The following DLGAP1 variants were observed in gnomAD, a reference collection of about 807,000 sequenced individuals.
DLGAP1 encodes disks large-associated protein 1.
DLGAP1 carries 11 observed loss-of-function variants against 90.8 expected under a neutral mutation model. That is an observed-to-expected ratio of 0.12 (90% CI 0.08 to 0.20). The LOEUF (loss-of-function observed/expected upper bound fraction) is 0.20. Ranked by LOEUF, DLGAP1 falls within the 10% of genes least tolerant of loss-of-function variation. The pLI is 1.00. For missense variants in DLGAP1, 1,050 were observed against 1,333.8 expected (o/e 0.79, Z 3.31); for synonymous variants, 558 against 540.7 (o/e 1.03, Z -0.44).
chr18:3,619,392 C>T (rs916753878), intron 7 of DLGAP1, among the ~76,000 whole-genome samples: 7 of 152,148 alleles, frequency 4.6e-5, no homozygotes, highest in African/African-American at 1.7e-4. Flanking sequence ...GTGCTGGGGG[C>T]TGGGCAGGGG....
At chr18:4,100,953 G>A (rs981917869) in intron 2 of DLGAP1, among the ~76,000 whole-genome samples, 21 of 152,148 alleles carry the variant, frequency 1.4e-4, no homozygotes, top group African/African-American at 5.1e-4. Context: ...TGTTGTGGCT[G>A]GTTTGATCTT....
chr18:3,893,623 G>T (rs868184188), intron 3 of DLGAP1, among the ~76,000 whole-genome samples: 1,533 of 141,554 alleles, frequency 0.011, 15 homozygotes, highest in African/African-American at 0.028. Context: ...ATAATAATAA[G>T]AACAATTCAA....
At chr18:4,064,942 A>G (rs892644024) in intron 2 of DLGAP1, among the ~76,000 whole-genome samples, 1 of 152,184 alleles carries the variant, frequency 6.6e-6, no homozygotes, top group African/African-American at 2.4e-5. Context: ...AAATACTGAA[A>G]AATCAAATCT....
At chr18:3,894,944 G>C (rs370735112) in intron 3 of DLGAP1, 1 of 152,132 alleles carries the variant, frequency 6.6e-6, no homozygotes, top group African/African-American at 2.4e-5. Context: ...TAGATGTTAA[G>C]CCACTAGCTT....
chr18:4,171,494 G>A (rs1457711475), intron 1 of DLGAP1, among the ~76,000 whole-genome samples: 1 of 151,812 alleles, frequency 6.6e-6, no homozygotes, highest in East Asian at 1.9e-4. Context: ...GAACTCGGAA[G>A]GCGAAGCTTG....
Position 3,702,419 on chromosome 18 carries a change from C to A in DLGAP1, c.1591+26716G>T, listed in dbSNP as rs549654169. Among the ~76,000 whole-genome samples, 142 of 152,336 alleles carry A rather than the reference C, an allele frequency of 9.3e-4. 2 individuals carry two copies. Among genetic ancestry groups the A allele is most frequent in the Non-Finnish European group, 6.3e-4 (43 of 68,034 alleles). ...ACATGTTTGGGAAATGTTATCAAAA[C>A]CAGGAAGGCATAAATTGCTACCTTT... On this transcript the variant is annotated intron_variant, in intron 7 of 12. Coordinates refer to ENST00000315677, the MANE Select transcript of DLGAP1 (RefSeq NM_004746.4).
intron 1 of DLGAP1, among the ~76,000 whole-genome samples, chr18:4,269,116 A>T (rs1568482118): frequency 6.6e-6 from 1 of 151,772 alleles, no homozygotes; most frequent in South Asian, 2.1e-4. Context: ...CTTTTAAAGG[A>T]TTAAATAAAT....
intron 1 of DLGAP1, among the ~76,000 whole-genome samples, chr18:4,436,177 G>A (rs2083394603): frequency 6.6e-6 from 1 of 152,106 alleles, no homozygotes; most frequent in African/African-American, 2.4e-5. Context: ...ATGATTTCTT[G>A]CTTTAGGCAG....
At chr18:3,508,016 C>T (rs959247291) in intron 11 of DLGAP1, among the ~76,000 whole-genome samples, 2 of 152,156 alleles carry the variant, frequency 1.3e-5, no homozygotes, top group Non-Finnish European at 2.9e-5. Context: ...GGATTACAGG[C>T]GTGAGCCATT....
At chr18:4,218,332 AG>A (rs958897869) in intron 1 of DLGAP1, among the ~76,000 whole-genome samples, 2 of 151,920 alleles carry the variant, frequency 1.3e-5, no homozygotes, top group African/African-American at 2.4e-5. Flanking sequence ...AAACCTTTTA[AG>A]TTGACAAATA....
At chr18:4,385,430 T>C (rs1264713797) in intron 1 of DLGAP1, among the ~76,000 whole-genome samples, 2 of 152,140 alleles carry the variant, frequency 1.3e-5, no homozygotes, top group Admixed American at 1.3e-4. Flanking sequence ...GGATATTTGT[T>C]TTTCATTCTT....
At chr18:3,991,128 A>AT (rs2149051321) in intron 3 of DLGAP1, among the ~76,000 whole-genome samples, 1 of 152,048 alleles carries the variant, frequency 6.6e-6, no homozygotes, top group Non-Finnish European at 1.5e-5. Flanking sequence ...AATTTTTCAA[A>AT]TTTTTTTAAA....
At chr18:4,363,054 G>A (rs750410919) in intron 1 of DLGAP1, among the ~76,000 whole-genome samples, 14 of 152,086 alleles carry the variant, frequency 9.2e-5, no homozygotes, top group Non-Finnish European at 1.8e-4. Context: ...TGCAACTCTA[G>A]TTGGAGCAAG....
At chr18:3,516,864 A>T (rs1215082238) in intron 10 of DLGAP1, among the ~76,000 whole-genome samples, 3 of 152,238 alleles carry the variant, frequency 2.0e-5, no homozygotes, top group Admixed American at 6.5e-5. Flanking sequence ...TGGAGGCTAC[A>T]GTTCAAGATG....
intron 11 of DLGAP1, 71 bp from the exon 12 acceptor site, chr18:3,502,716 T>G: frequency 6.6e-7 from 1 of 1,503,952 alleles, no homozygotes; most frequent in Non-Finnish European, 9.0e-7. Context: ...AAAAAGGCAT[T>G]TTCAAATATT....
Position 3,546,621 on chromosome 18 carries a change from A to G in DLGAP1, c.2058-12006T>C, listed in dbSNP as rs186676999. On this transcript the variant is annotated intron_variant, in intron 9 of 12. Coordinates refer to ENST00000315677, the MANE Select transcript of DLGAP1 (RefSeq NM_004746.4). ...ATCCTCAAATTTTTGGAGACTAGGT[A>G]ACACACTTCTAAGTAGCCCATGGGT... Among the ~76,000 whole-genome samples the G allele has an allele frequency of 2.6e-3, 395 of 151,498 alleles. 2 individuals are homozygous for G. Among genetic ancestry groups the G allele is most frequent in the African/African-American group, 8.9e-3 (371 of 41,524 alleles).
Position 3,920,269 on chromosome 18 carries a change from G to A in DLGAP1, c.-72-40129C>T, listed in dbSNP as rs149751519. On this transcript the variant is annotated intron_variant, in intron 3 of 12. Transcript: ENST00000315677. ...GAGGCACGAGAATCGCTTGAACCTG[G>A]GAAGCAGAGGTTGCAGTGAGCCGGG... 8.8e-4 allele frequency among the ~76,000 whole-genome samples: 132 copies of A among 150,250 alleles called. 1 individual carries two copies. The highest frequency in any genetic ancestry group is 1.6e-3 in the Non-Finnish European group (108 of 67,662).
chr18:4,122,132 C>T (rs1219943222), intron 2 of DLGAP1, among the ~76,000 whole-genome samples: 3 of 152,210 alleles, frequency 2.0e-5, no homozygotes, highest in Non-Finnish European at 4.4e-5. Context: ...TATGGCAAAC[C>T]CTATGCCTGT....
At chr18:4,438,188 T>C (rs1227175176) in intron 1 of DLGAP1, among the ~76,000 whole-genome samples, 1 of 152,104 alleles carries the variant, frequency 6.6e-6, no homozygotes, top group Non-Finnish European at 1.5e-5. Context: ...CAAATTTTGC[T>C]TACATACTGG....
Sources: allele counts gnomAD v4.1 joint callset (sites outside exome capture counted in the v4.1 genomes callset), GRCh38; gene constraint gnomAD v4.1.1; transcripts MANE v1.5; gene names NCBI Gene and HGNC (gene_info 2026-07-23, HGNC 2026-07-21).